The following PPP1R3B variants were observed in gnomAD, a reference collection of about 807,000 sequenced individuals.
PPP1R3B encodes protein phosphatase 1 regulatory subunit 3B.
In PPP1R3B, 8 loss-of-function variants were observed where a neutral mutation model predicts 14.6. The ratio of observed to expected loss-of-function variants is 0.55; its 90% CI spans 0.32 to 0.99. The LOEUF (loss-of-function observed/expected upper bound fraction) is 0.99, where lower values mean the gene tolerates loss of function less well. Among genes scored for constraint, PPP1R3B ranks in the 50% least tolerant of loss-of-function variants. The pLI, the probability that PPP1R3B is intolerant of heterozygous loss-of-function variation, is 0.04. For missense variants in PPP1R3B, 452 were observed against 360.1 expected (o/e 1.26, Z -2.07); for synonymous variants, 169 against 142.0 (o/e 1.19, Z -1.35).
At chr8:9,145,051 T>C (rs2117611973) in intron 1 of PPP1R3B, among the ~76,000 whole-genome samples, 1 of 152,322 alleles carries the variant, frequency 6.6e-6, no homozygotes, top group African/African-American at 2.4e-5. Context: ...CCAGCCCATG[T>C]GATGTAATTT....
intron 1 of PPP1R3B, among the ~76,000 whole-genome samples, chr8:9,144,815 G>T (rs1003149667): frequency 6.6e-6 from 1 of 151,996 alleles, no homozygotes; most frequent in Non-Finnish European, 1.5e-5. Flanking sequence ...GCACAATCTC[G>T]GTTCACTGCA....
chr8:9,149,142 G>C (rs1001727608), intron 1 of PPP1R3B, among the ~76,000 whole-genome samples: 6 of 123,900 alleles, frequency 4.8e-5, no homozygotes, highest in African/African-American at 1.5e-4. Flanking sequence ...GCAGTGAGCC[G>C]AGATGGCGCC....
Position 9,140,613 on chromosome 8 carries a change from G to A in PPP1R3B, c.*181C>T, listed in dbSNP as rs988708457. On this transcript the variant is annotated 3_prime_UTR_variant, in exon 2 of 2. Coordinates refer to ENST00000310455, the MANE Select transcript of PPP1R3B (RefSeq NM_024607.4). ...CTCCTTTGAGTGAGACACTGGTTGT[G>A]TAATCTGAACCTGGCTGGATTTGCT... 6 of 673,164 alleles carry A rather than the reference G, an allele frequency of 8.9e-6. No homozygotes were observed. The highest frequency in any genetic ancestry group is 1.5e-5 in the Non-Finnish European group (6 of 405,034). The allele number at this position is 673,164 out of a possible 1,614,324, so 41.7% of individuals were successfully genotyped here.
intron 1 of PPP1R3B, among the ~76,000 whole-genome samples, chr8:9,149,576 G>A (rs1801353972): frequency 6.6e-6 from 1 of 152,202 alleles, no homozygotes; most frequent in African/African-American, 2.4e-5. Context: ...ACTGAAAGCT[G>A]CCGAACTGCA....
Position 9,136,360 on chromosome 8 carries a change from C to G in PPP1R3B, c.*4434G>C, listed in dbSNP as rs1800889028. 6.6e-6 allele frequency: 1 copy of G among 152,186 alleles called. No homozygotes were observed. Among genetic ancestry groups the G allele is most frequent in the African/African-American group, 2.4e-5 (1 of 41,448 alleles). The allele number at this position is 152,186 out of a possible 1,614,324, so 9.4% of individuals were successfully genotyped here. ...TTGGGATTTTTAAAGTGCATTTCCCCTTGAACTCTGTGTACAAAAATATTT... is the reference window on the plus strand; with the variant it reads ...TTGGGATTTTTAAAGTGCATTTCCCGTTGAACTCTGTGTACAAAAATATTT... On this transcript the variant is annotated 3_prime_UTR_variant, in exon 2 of 2. Coordinates refer to ENST00000310455, the MANE Select transcript of PPP1R3B (RefSeq NM_024607.4).
intron 1 of PPP1R3B, among the ~76,000 whole-genome samples, chr8:9,149,308 G>C (rs962938078): frequency 1.1e-4 from 16 of 150,878 alleles, no homozygotes; most frequent in Non-Finnish European, 1.9e-4. Context: ...ACACCATCCT[G>C]GCTAACACGG....
chr8:9,149,384 T>A (rs1012766691), intron 1 of PPP1R3B, among the ~76,000 whole-genome samples: 3 of 150,856 alleles, frequency 2.0e-5, no homozygotes, highest in African/African-American at 7.3e-5. Flanking sequence ...GCGCCTGTAG[T>A]CCCAGCTACT....
At chr8:9,148,217 A>C (rs1801299533) in intron 1 of PPP1R3B, among the ~76,000 whole-genome samples, 1 of 152,184 alleles carries the variant, frequency 6.6e-6, no homozygotes, top group South Asian at 2.1e-4. Context: ...AGTTCCTGAA[A>C]AGAAGGCACC....
chr8:9,146,419 G>A (rs1038017547), intron 1 of PPP1R3B, among the ~76,000 whole-genome samples: 1 of 152,152 alleles, frequency 6.6e-6, no homozygotes. Flanking sequence ...AGTGTCTTCT[G>A]TAAAGAGCTG....
At chr8:9,149,908 A>C (rs970154294) in intron 1 of PPP1R3B, among the ~76,000 whole-genome samples, 1 of 152,256 alleles carries the variant, frequency 6.6e-6, no homozygotes, top group Non-Finnish European at 1.5e-5. Context: ...ACAGAGTACT[A>C]GGCTAAGAAT....
At position 9,138,596 on chromosome 8, in the gene PPP1R3B, G is replaced by C. The variant is rs1454819657; in HGVS notation, c.*2198C>G. On this transcript the variant is annotated 3_prime_UTR_variant, in exon 2 of 2. Transcript: ENST00000310455. ...TTGGTTATGTACAAAGCCACAAATG[G>C]GAGGTCTTTTCAAATTAATCTGGAA... The C allele has an allele frequency of 6.6e-6, 1 of 152,102 alleles. No homozygotes were observed. The highest frequency in any genetic ancestry group is 1.5e-5 in the Non-Finnish European group (1 of 68,034). The allele number at this position is 152,102 out of a possible 1,614,324, so 9.4% of individuals were successfully genotyped here. A position where few individuals can be genotyped will look rare whatever the true frequency, so the allele number is the denominator to read the frequency against.
In PPP1R3B at chr8:9,150,204, C is replaced by T. The variant is rs542448000; in HGVS notation, c.-18+359G>A. On this transcript the variant is annotated intron_variant, in intron 1 of 1. Coordinates refer to ENST00000310455, the MANE Select transcript of PPP1R3B (RefSeq NM_024607.4). The stretch of plus-strand genomic sequence containing the variant: ...GCTCTAATTGTCTCTTCTGCTGCAC[C>T]CTGGGTCTCCCAGGCAGGCCCCCGC... Among the ~76,000 whole-genome samples, 15 of 152,270 alleles carry T rather than the reference C, an allele frequency of 9.9e-5. No homozygotes were observed. The East Asian group carries it at 2.9e-3, about 29-fold the overall frequency.
intron 1 of PPP1R3B, among the ~76,000 whole-genome samples, chr8:9,146,345 C>T (rs1055257116): frequency 2.6e-5 from 4 of 152,174 alleles, no homozygotes; most frequent in South Asian, 2.1e-4. Flanking sequence ...TGTGTGATGA[C>T]GTGTTGGGGA....
rs540052110 is a variant in PPP1R3B, at chr8:9,141,688, A to G, written c.-17-20T>C. ...AACAGGCTAGAACCGTGGAAAGGGA[A>G]GAGAAGAAAGAAAACAGTGGAGCAA... On this transcript the variant is annotated intron_variant, in intron 1 of 1. Transcript: ENST00000310455. The G allele has an allele frequency of 6.3e-6, 10 of 1,591,956 alleles. No individual in the cohort carries two copies. The Middle Eastern group carries it at 5.0e-4, about 80-fold the overall frequency.
Position 9,138,702 on chromosome 8 carries a change from C to G in PPP1R3B, c.*2092G>C, listed in dbSNP as rs149458764. ...AGGCAACTGTGCTTCCACTCCTCTT[C>G]TTGCTTGCCTTAGGAAAACTTCACT... On this transcript the variant is annotated 3_prime_UTR_variant, in exon 2 of 2. Transcript: ENST00000310455. 6.6e-6 allele frequency: 1 copy of G among 152,228 alleles called. No homozygotes were observed. Among genetic ancestry groups the G allele is most frequent in the African/African-American group, 2.4e-5 (1 of 41,458 alleles). 9.4% of individuals were successfully genotyped at this position (152,228 alleles called of 1,614,324 possible).
At chr8:9,147,287 C>G (rs567110715) in intron 1 of PPP1R3B, among the ~76,000 whole-genome samples, 1 of 152,160 alleles carries the variant, frequency 6.6e-6, no homozygotes, top group Non-Finnish European at 1.5e-5. Flanking sequence ...AGGCATGAGC[C>G]ACCGTGCCCA....
Position 9,138,436 on chromosome 8 carries a change from A to T in PPP1R3B, c.*2358T>A, listed in dbSNP as rs1162979241. Reference sequence around the variant, plus strand: ...GTTTTAGGAGTAAGAATTACATCGAATAGCCTTAAGAGCATTTAAAAAGTC... The same window carrying T: ...GTTTTAGGAGTAAGAATTACATCGATTAGCCTTAAGAGCATTTAAAAAGTC... On this transcript the variant is annotated 3_prime_UTR_variant, in exon 2 of 2. Coordinates refer to ENST00000310455, the MANE Select transcript of PPP1R3B (RefSeq NM_024607.4). 6.6e-6 allele frequency: 1 copy of T among 152,244 alleles called. No individual in the cohort carries two copies. Among genetic ancestry groups the T allele is most frequent in the Non-Finnish European group, 1.5e-5 (1 of 68,046 alleles). 9.4% of individuals were successfully genotyped at this position (152,244 alleles called of 1,614,324 possible).
chr8:9,142,544 GC>G (rs1055611558), intron 1 of PPP1R3B, among the ~76,000 whole-genome samples: 1 of 152,000 alleles, frequency 6.6e-6, no homozygotes, highest in African/African-American at 2.4e-5. Flanking sequence ...TCCACTCTCA[GC>G]AATTTTCAAA....
chr8:9,149,635 G>T (rs948408832), intron 1 of PPP1R3B, among the ~76,000 whole-genome samples: 1 of 152,154 alleles, frequency 6.6e-6, no homozygotes, highest in Non-Finnish European at 1.5e-5. Context: ...TTAAAGACAT[G>T]GCCATCTACC....
Sources: allele counts gnomAD v4.1 joint callset (sites outside exome capture counted in the v4.1 genomes callset), GRCh38; gene constraint gnomAD v4.1.1; transcripts MANE v1.5; gene names NCBI Gene and HGNC (gene_info 2026-07-23, HGNC 2026-07-21).